The following SULT1E1 variants were observed in gnomAD, a reference collection of about 807,000 sequenced individuals.
The protein encoded by SULT1E1 is sulfotransferase 1E1.
Under a neutral mutation model 33.6 loss-of-function variants are expected in SULT1E1, and 36 were observed. The ratio of observed to expected loss-of-function variants is 1.07; its 90% CI spans 0.82 to 1.41. The LOEUF (loss-of-function observed/expected upper bound fraction) is 1.41, where lower values mean the gene tolerates loss of function less well. Ranked by LOEUF, SULT1E1 falls within the 40% of genes most tolerant of loss-of-function variation. The pLI is 0.00. For missense variants in SULT1E1, 371 were observed against 345.7 expected (o/e 1.07, Z -0.58); for synonymous variants, 121 against 111.7 (o/e 1.08, Z -0.53).
At chr4:69,824,355 T>A in the SULT1E1 span, among the ~76,000 whole-genome samples, 2 of 152,284 alleles carry the variant, frequency 1.3e-5, no homozygotes, top group South Asian at 4.1e-4. Context: ...TTTTCACTCA[T>A]GGACATAGAA....
the SULT1E1 span, among the ~76,000 whole-genome samples, chr4:69,827,576 CGAGGGTCAATT>C: frequency 6.6e-6 from 1 of 151,852 alleles, no homozygotes; most frequent in Middle Eastern, 3.2e-3. Flanking sequence ...CTGACTCCTT[CGAGGGTCAATT>C]GATCCTAAAA....
chr4:69,833,861 CTA>C, the SULT1E1 span, among the ~76,000 whole-genome samples: 1 of 152,142 alleles, frequency 6.6e-6, no homozygotes, highest in African/African-American at 2.4e-5. Flanking sequence ...GCAAATAATT[CTA>C]TGTTAAAAGC....
chr4:69,849,689 T>C, intron 4 of SULT1E1, 126 bp from the exon 5 acceptor site: 1 of 811,832 alleles, frequency 1.2e-6, no homozygotes, highest in South Asian at 2.1e-5. Context: ...ACAAAATGCA[T>C]AAGACATGTA....
At chr4:69,859,709 T>C (rs746684527) in intron 1 of SULT1E1, among the ~76,000 whole-genome samples, 14 of 152,096 alleles carry the variant, frequency 9.2e-5, no homozygotes, top group Non-Finnish European at 1.3e-4. Context: ...AAACTAAAAG[T>C]CAATCTCTAT....
chr4:69,841,516 G>A lies in SULT1E1; in HGVS notation c.*478C>T, dbSNP rs1046900410. ...AGATCACTTGAGCTCAAGGGTTTCA[G>A]ACCAGCCTGGACACTATAGCAAGCC... On this transcript the variant is annotated 3_prime_UTR_variant, in exon 8 of 8. Transcript: ENST00000226444. The A allele has an allele frequency of 6.6e-6, 1 of 152,456 alleles. No individual in the cohort carries two copies. Among genetic ancestry groups the A allele is most frequent in the African/African-American group, 2.4e-5 (1 of 41,432 alleles). 9.4% of individuals were successfully genotyped at this position (152,456 alleles called of 1,614,324 possible). A position where few individuals can be genotyped will look rare whatever the true frequency, so the allele number is the denominator to read the frequency against.
chr4:69,823,628 T>G, the SULT1E1 span, among the ~76,000 whole-genome samples: 2 of 152,252 alleles, frequency 1.3e-5, no homozygotes, highest in South Asian at 4.1e-4. Context: ...TTCCTGTACT[T>G]TGTTTATTTT....
intron 2 of SULT1E1, 94 bp downstream of exon 2, chr4:69,857,406 G>T (rs1050059564): frequency 7.0e-7 from 1 of 1,420,018 alleles, no homozygotes; most frequent in Non-Finnish European, 9.4e-7. Context: ...TCTTAATATA[G>T]AGAATGAGTG....
chr4:69,825,410 C>T, the SULT1E1 span, among the ~76,000 whole-genome samples: 4 of 152,084 alleles, frequency 2.6e-5, no homozygotes, highest in Admixed American at 6.6e-5. Context: ...TTTTGGCAAC[C>T]GTGAAGGGAC....
At chr4:69,836,212 G>C (rs932120056), downstream of SULT1E1, among the ~76,000 whole-genome samples, 1 of 151,968 alleles carries the variant, frequency 6.6e-6, no homozygotes, top group Admixed American at 6.6e-5. Flanking sequence ...TCCACATAAA[G>C]AGCCATTCTC....
chr4:69,831,031 C>G, the SULT1E1 span, among the ~76,000 whole-genome samples: 1 of 152,340 alleles, frequency 6.6e-6, no homozygotes, highest in East Asian at 1.9e-4. Context: ...TCTAGGCTTT[C>G]CGCCCTAACT....
downstream of SULT1E1, among the ~76,000 whole-genome samples, chr4:69,839,874 A>G (rs1388250919): frequency 6.6e-6 from 1 of 152,226 alleles, no homozygotes; most frequent in Non-Finnish European, 1.5e-5. Flanking sequence ...AGCTTTGGAA[A>G]GATATAGTTG....
chr4:69,849,618 A>C, intron 4 of SULT1E1, 55 bp from the exon 5 acceptor site: 28 of 1,481,450 alleles, frequency 1.9e-5, no homozygotes, highest in Non-Finnish European at 2.4e-5. Flanking sequence ...AAACAGTCTC[A>C]TCAAGATTTT....
At chr4:69,857,457 G>T in intron 2 of SULT1E1, 43 bp downstream of exon 2, 1 of 1,570,416 alleles carries the variant, frequency 6.4e-7, no homozygotes, top group Non-Finnish European at 8.6e-7. Flanking sequence ...TTTACAGTGT[G>T]TTTGTTATTT....
At chr4:69,823,999 G>A in the SULT1E1 span, among the ~76,000 whole-genome samples, 2 of 152,106 alleles carry the variant, frequency 1.3e-5, no homozygotes, top group South Asian at 4.1e-4. Flanking sequence ...GCACTTCCTG[G>A]CACTGACTCA....
At chr4:69,853,593 T>C (rs185117707) in intron 4 of SULT1E1, among the ~76,000 whole-genome samples, 1 of 152,272 alleles carries the variant, frequency 6.6e-6, no homozygotes, top group East Asian at 1.9e-4. Flanking sequence ...TGAGTTTGAA[T>C]TCTCTCTCTT....
rs760457379 is a variant in SULT1E1 at position 69,857,483 on chromosome 4, A to G, written c.145+17T>C. The G allele has an allele frequency of 6.3e-7, 1 of 1,583,506 alleles. No individual in the cohort carries two copies. The highest frequency in any genetic ancestry group is 8.5e-7 in the Non-Finnish European group (1 of 1,170,992). Reference sequence around the variant, plus strand: ...TTTGTTATTTTTAGGTGAAAAAAGAACAACAAAGAGATTTACCAGATTTAG... The same window carrying G: ...TTTGTTATTTTTAGGTGAAAAAAGAGCAACAAAGAGATTTACCAGATTTAG... On this transcript the variant is annotated intron_variant, in intron 2 of 7. Coordinates refer to ENST00000226444, the MANE Select transcript of SULT1E1 (RefSeq NM_005420.3).
At chr4:69,853,048 A>T (rs1721159576) in intron 4 of SULT1E1, among the ~76,000 whole-genome samples, 1 of 152,174 alleles carries the variant, frequency 6.6e-6, no homozygotes, top group Non-Finnish European at 1.5e-5. Flanking sequence ...AAAACAAACT[A>T]ACCTGGCAAT....
the SULT1E1 span, among the ~76,000 whole-genome samples, chr4:69,822,120 A>G: frequency 2.6e-5 from 4 of 152,208 alleles, no homozygotes; most frequent in African/African-American, 9.6e-5. Context: ...TTAAACTAAT[A>G]TCAATTAGGT....
chr4:69,844,209 G>T lies in SULT1E1; in HGVS notation c.724C>A (p.Leu242Met), dbSNP rs1720932601. The change falls in exon 7 of 8, where the codon CTG (leucine) becomes ATG (methionine). Residue 242 changes from leucine (L) to methionine (M), a missense_variant. By Grantham distance (15) the Leu-to-Met change is conservative. Transcript: ENST00000226444. Reference protein sequence around the residue: ...KNNPSTNYTTLPDEIMNQKLS... With the variant: ...KNNPSTNYTTMPDEIMNQKLS... ...TTCTGGTTCATAATTTCGTCTGGCA[G>T]TGTTGTGTAATTTGTGGATGGATTG... The T allele has an allele frequency of 6.2e-7, 1 of 1,613,838 alleles. No individual in the cohort carries two copies. The highest frequency in any genetic ancestry group is 1.3e-5 in the African/African-American group (1 of 74,896).
Sources: allele counts gnomAD v4.1 joint callset (sites outside exome capture counted in the v4.1 genomes callset), GRCh38; gene constraint gnomAD v4.1.1; transcripts MANE v1.5; gene names NCBI Gene and HGNC (gene_info 2026-07-23, HGNC 2026-07-21).